The following NYNRIN variants were observed in gnomAD, a reference collection of about 807,000 sequenced individuals.
NYNRIN encodes NYN domain and retroviral integrase containing, also known as protein NYNRIN.
In NYNRIN, 86 loss-of-function variants were observed where a neutral mutation model predicts 146.6. That is an observed-to-expected ratio of 0.59 (90% CI 0.49 to 0.70). The LOEUF (loss-of-function observed/expected upper bound fraction) is 0.70. NYNRIN is among the 30% of genes least tolerant of loss of function. NYNRIN has a pLI of 0.00. For synonymous variants in NYNRIN, 1,027 were observed against 1,001.3 expected (o/e 1.03, Z -0.48); for missense variants, 2,191 against 2,377.7 (o/e 0.92, Z 1.63).
At position 24,399,047 on chromosome 14, in the gene NYNRIN, G is replaced by C. The variant is rs1004015811; in HGVS notation, c.-57G>C. ...CTCGTCGCGGTAGCAGCGGTCGAAG[G>C]GGACCAAGCTCCAGAGGGCGGGCGC... On this transcript the variant is annotated 5_prime_UTR_variant, in exon 1 of 9. Transcript: ENST00000382554. 1 of 525,050 alleles carries C rather than the reference G, an allele frequency of 1.9e-6. No homozygotes were observed. Among genetic ancestry groups the C allele is most frequent in the Admixed American group, 4.0e-5 (1 of 24,800 alleles). The allele number at this position is 525,050 out of a possible 1,614,324, so 32.5% of individuals were successfully genotyped here.
At chr14:24,406,568 G>A (rs955421960) in intron 2 of NYNRIN, among the ~76,000 whole-genome samples, 2 of 152,248 alleles carry the variant, frequency 1.3e-5, no homozygotes, top group African/African-American at 2.4e-5. Context: ...TGAGGAAGAA[G>A]TTGCAGGTCT....
chr14:24,408,932 G>T lies in NYNRIN; in HGVS notation c.1138G>T (p.Ala380Ser), dbSNP rs1158147852. The T allele has an allele frequency of 6.2e-7, 1 of 1,613,974 alleles. No individual in the cohort carries two copies. The highest frequency in any genetic ancestry group is 1.7e-5 in the Admixed American group (1 of 60,026). Residue 380 changes from alanine to serine, a missense_variant, in exon 4 of 9, where the codon GCC becomes TCC. By Grantham distance (99) the Ala-to-Ser change is moderately conservative. This residue lies in a region of NYNRIN where 895 missense variants were observed against 941.2 expected (regional missense o/e 0.95). Transcript: ENST00000382554. ...CAATGAGCTGCATTCTCTACATCTGGCCTGGCTCCTGTCCCAGGCGTGCTT... is the reference window on the plus strand; with the variant it reads ...CAATGAGCTGCATTCTCTACATCTGTCCTGGCTCCTGTCCCAGGCGTGCTT... ...RINELHSLHL[A>S]WLLSQACFNF...
chr14:24,416,426 C>A lies in NYNRIN; in HGVS notation c.4677C>A (p.Pro1559=). The stretch of plus-strand genomic sequence containing the variant: ...TTCCCTTGGGGGCCCACCAGAGGCC[C>A]GAAGAGACCTACAAGAAGTTGCGTT... The part of the protein sequence containing the change: ...HDIPLGAHQR[P]EETYKKLRLL... The change falls in exon 9 of 9, where the codon CCC becomes CCA. Residue 1559 remains proline (P), a synonymous_variant. Coordinates refer to ENST00000382554, the MANE Select transcript of NYNRIN (RefSeq NM_025081.3). 1 of 1,612,954 alleles carries A rather than the reference C, an allele frequency of 6.2e-7. No homozygotes were observed. Among genetic ancestry groups the A allele is most frequent in the East Asian group, 2.2e-5 (1 of 44,846 alleles).
In NYNRIN at chr14:24,418,569, G is replaced by A. The variant is rs1267298226; in HGVS notation, c.*1123G>A. The A allele has an allele frequency of 4.0e-6, 1 of 247,270 alleles. No individual in the cohort carries two copies. Among genetic ancestry groups the A allele is most frequent in the Non-Finnish European group, 8.1e-6 (1 of 123,760 alleles). The allele number at this position is 247,270 out of a possible 1,614,324, so 15.3% of individuals were successfully genotyped here. On this transcript the variant is annotated 3_prime_UTR_variant, in exon 9 of 9. Transcript: ENST00000382554. ...GAGATCACCCTTGCAGTGAGTGTGA[G>A]TTCCTTCCAGGTGTGTGCGCGTACA...
intron 2 of NYNRIN, among the ~76,000 whole-genome samples, chr14:24,400,637 T>C (rs1283101929): frequency 6.6e-6 from 1 of 152,118 alleles, no homozygotes; most frequent in Non-Finnish European, 1.5e-5. Context: ...AAAGAACATA[T>C]GTACTGGAGG....
Position 24,415,380 on chromosome 14 carries a change from G to T in NYNRIN, c.3631G>T (p.Ala1211Ser). Reference protein sequence around the residue: ...GPQSGGDSPYAVAWALKHFSR... With the variant: ...GPQSGGDSPYSVAWALKHFSR... ...CCAGTCAGGGGGTGACAGCCCCTAT[G>T]CTGTGGCCTGGGCCCTCAAGCATTT... The change falls in exon 9 of 9, where the codon GCT becomes TCT. Residue 1211 changes from alanine (A) to serine (S), a missense_variant. Transcript: ENST00000382554. 1.2e-6 allele frequency: 2 copies of T among 1,614,002 alleles called. No individual in the cohort carries two copies. Among genetic ancestry groups the T allele is most frequent in the Admixed American group, 1.7e-5 (1 of 60,026 alleles).
At chr14:24,410,303 TC>T in intron 4 of NYNRIN, 95 bp downstream of exon 4, 1 of 1,003,860 alleles carries the variant, frequency 1.0e-6, no homozygotes, top group Non-Finnish European at 1.5e-6. Flanking sequence ...TTCCCAACCT[TC>T]CTATGGGCGA....
Position 24,407,997 on chromosome 14 carries a change from C to G in NYNRIN, c.327C>G (p.Tyr109Ter). 1.2e-6 allele frequency: 2 copies of G among 1,614,062 alleles called. No individual in the cohort carries two copies. Among genetic ancestry groups the G allele is most frequent in the Non-Finnish European group, 1.7e-6 (2 of 1,179,904 alleles). The change falls in exon 3 of 9, where the codon TAC (tyrosine) becomes TAG (stop). Residue 109 changes from tyrosine (Y) to a stop codon, truncating the protein, a stop_gained. Transcript: ENST00000382554. LOFTEE classifies it high-confidence loss of function. The stretch of plus-strand genomic sequence containing the variant: ...GCCTCTGCTGGAGCACCCTTGCCTA[C>G]CTGGTGCCTGGCCCCCCTGGCTCCC... Reference protein sequence around the residue: ...LDCLCWSTLAYLVPGPPGSLM... With the variant: ...LDCLCWSTLA
At position 24,399,459 on chromosome 14, in the gene NYNRIN, C is replaced by A. The variant is rs2042826805; in HGVS notation, c.198+15C>A. 1 of 1,585,906 alleles carries A rather than the reference C, an allele frequency of 6.3e-7. No homozygotes were observed. Among genetic ancestry groups the A allele is most frequent in the Admixed American group, 1.8e-5 (1 of 57,070 alleles). Reference sequence around the variant, plus strand: ...GCAAAGCCAAGGTAAACAGCTTCTCCCCACCCCCACCCATCTCTTCCAGCC... The same window carrying A: ...GCAAAGCCAAGGTAAACAGCTTCTCACCACCCCCACCCATCTCTTCCAGCC... On this transcript the variant is annotated intron_variant, in intron 2 of 8. Transcript: ENST00000382554.
chr14:24,403,408 A>G (rs2042857052), intron 2 of NYNRIN, among the ~76,000 whole-genome samples: 1 of 152,216 alleles, frequency 6.6e-6, no homozygotes, highest in Non-Finnish European at 1.5e-5. Context: ...TTCCAGGCTG[A>G]CACAGCTGTC....
chr14:24,415,700 C>A lies in NYNRIN; in HGVS notation c.3951C>A (p.Phe1317Leu). The change falls in exon 9 of 9, where the codon TTC (phenylalanine) becomes TTA (leucine). Residue 1317 changes from phenylalanine (F) to leucine (L), a missense_variant. Physicochemically the swap from Phe to Leu is conservative, Grantham distance 22 (BLOSUM62 0). This residue lies in a region of NYNRIN where 1,291 missense variants were observed against 1,417.0 expected (regional missense o/e 0.91). Transcript: ENST00000382554. ...GCATCCACATGTCGGGCTACTGCTTCTACCGTGAGGATGAGTGGTGTGCTG... is the reference window on the plus strand; with the variant it reads ...GCATCCACATGTCGGGCTACTGCTTATACCGTGAGGATGAGTGGTGTGCTG... ...FVCIHMSGYC[F>L]YREDEWCAGF... 1 of 1,613,998 alleles carries A rather than the reference C, an allele frequency of 6.2e-7. No individual in the cohort carries two copies. Among genetic ancestry groups the A allele is most frequent in the Non-Finnish European group, 8.5e-7 (1 of 1,179,870 alleles).
At chr14:24,399,466 C>G in intron 2 of NYNRIN, 22 bp downstream of exon 2, 8 of 1,579,282 alleles carry the variant, frequency 5.1e-6, no homozygotes, top group Non-Finnish European at 6.9e-6. Flanking sequence ...CTCCCCACCC[C>G]CACCCATCTC....
intron 6 of NYNRIN, chr14:24,412,544 T>C (rs1333375680): frequency 6.0e-6 from 1 of 167,658 alleles, no homozygotes; most frequent in Non-Finnish European, 1.3e-5. Flanking sequence ...TTTGTGTGTG[T>C]GCTGTGTGGC....
intron 4 of NYNRIN, 123 bp from the exon 5 acceptor site, chr14:24,410,953 G>A (rs2042909032): frequency 8.4e-7 from 1 of 1,184,674 alleles, no homozygotes; most frequent in South Asian, 1.4e-5. Context: ...GTCTGAGTAT[G>A]GAGGGAAGGG....
Position 24,415,905 on chromosome 14 carries a change from T to C in NYNRIN, c.4156T>C (p.Trp1386Arg). The C allele has an allele frequency of 6.2e-7, 1 of 1,614,020 alleles. No homozygotes were observed. Among genetic ancestry groups the C allele is most frequent in the Non-Finnish European group, 8.5e-7 (1 of 1,179,898 alleles). ...CTGCAACTGGATCTTCAGCCTCCTGTGGGAGCTCCTGCCCCTCTGGAGGGC... is the reference window on the plus strand; with the variant it reads ...CTGCAACTGGATCTTCAGCCTCCTGCGGGAGCTCCTGCCCCTCTGGAGGGC... ...THCNWIFSLL[W>R]ELLPLWRARG... The change falls in exon 9 of 9, where the codon TGG (tryptophan) becomes CGG (arginine). Residue 1386 changes from tryptophan (W) to arginine (R), a missense_variant. This residue lies in a region of NYNRIN where 1,291 missense variants were observed against 1,417.0 expected (regional missense o/e 0.91). Coordinates refer to ENST00000382554, the MANE Select transcript of NYNRIN (RefSeq NM_025081.3).
In NYNRIN at chr14:24,416,559, T is replaced by G. The variant is rs1436464254; in HGVS notation, c.4810T>G (p.Ser1604Ala). 1 of 1,613,852 alleles carries G rather than the reference T, an allele frequency of 6.2e-7. No homozygotes were observed. The highest frequency in any genetic ancestry group is 1.1e-5 in the South Asian group (1 of 91,084). ...AGGCAGCGAGTTGAAGGTTATTGAG[T>G]CCCCATGGCCCCTCAGGTCGACCGC... ...LIGSELKVIE[S>A]PWPLRSTAPW... The change falls in exon 9 of 9, where the codon TCC (serine) becomes GCC (alanine). Residue 1604 changes from serine (S) to alanine (A), a missense_variant. Ser to Ala is a moderately conservative substitution (Grantham distance 99). Coordinates refer to ENST00000382554, the MANE Select transcript of NYNRIN (RefSeq NM_025081.3).
At chr14:24,403,947 T>C (rs1240060667) in intron 2 of NYNRIN, among the ~76,000 whole-genome samples, 1 of 152,242 alleles carries the variant, frequency 6.6e-6, no homozygotes, top group Non-Finnish European at 1.5e-5. Flanking sequence ...GAAGCTGTTC[T>C]GGTCCCTGGT....
intron 8 of NYNRIN, among the ~76,000 whole-genome samples, chr14:24,413,857 T>C (rs2042927726): frequency 6.6e-6 from 1 of 152,256 alleles, no homozygotes; most frequent in South Asian, 2.1e-4. Context: ...TTATTCTTTG[T>C]ATCCAAGGGA....
Position 24,399,324 on chromosome 14 carries a change from G to GCAGCGGCTGCAAGTGCAGCGC in NYNRIN, c.79_99dup (p.Gln27_Arg33dup). ...CAAAATCGAAGCCTCGGGTGCAGCG[G>GCAGCGGCTGCAAGTGCAGCGC]CAGCGGCTGCAAGTGCAGCGCATCT... On this transcript the variant is annotated inframe_insertion, in exon 2 of 9. Transcript: ENST00000382554. 1 of 1,613,800 alleles carries GCAGCGGCTGCAAGTGCAGCGC rather than the reference G, an allele frequency of 6.2e-7. No homozygotes were observed. Among genetic ancestry groups the GCAGCGGCTGCAAGTGCAGCGC allele is most frequent in the East Asian group, 2.2e-5 (1 of 44,868 alleles).
Sources: allele counts gnomAD v4.1 joint callset (sites outside exome capture counted in the v4.1 genomes callset), GRCh38; gene constraint gnomAD v4.1.1; regional missense constraint gnomAD v4.1.1; transcripts MANE v1.5; gene names NCBI Gene and HGNC (gene_info 2026-07-23, HGNC 2026-07-21).